The following VIRMA variants were observed in gnomAD, a reference collection of about 807,000 sequenced individuals.
VIRMA encodes vir like m6A methyltransferase associated.
A neutral mutation model predicts 182.4 loss-of-function variants in VIRMA; 65 were observed. The ratio of observed to expected loss-of-function variants is 0.36; its 90% CI spans 0.29 to 0.44. VIRMA has a LOEUF of 0.44. VIRMA is among the 20% of genes least tolerant of loss of function. The pLI, the probability that VIRMA is intolerant of heterozygous loss-of-function variation, is 1.00. For synonymous variants in VIRMA, 709 were observed against 743.1 expected, an observed-to-expected ratio of 0.95 and a Z score of 0.75; for missense variants, 1,752 against 2,158.1, an observed-to-expected ratio of 0.81 and a Z score of 3.73.
intron 1 of VIRMA, among the ~76,000 whole-genome samples, chr8:94,548,935 G>A (rs1163134439): frequency 6.6e-6 from 1 of 151,558 alleles, no homozygotes; most frequent in South Asian, 2.1e-4. Flanking sequence ...GGTATTACAG[G>A]CATGAGCCAC....
intron 4 of VIRMA, 57 bp from the exon 5 acceptor site, chr8:94,535,064 A>C: frequency 6.5e-7 from 1 of 1,527,538 alleles, no homozygotes; most frequent in Non-Finnish European, 8.8e-7. Context: ...AAATGCTAGA[A>C]GTTAGCTGAT....
intron 1 of VIRMA, among the ~76,000 whole-genome samples, chr8:94,549,103 G>C (rs954434449): frequency 1.3e-5 from 2 of 152,154 alleles, no homozygotes; most frequent in Non-Finnish European, 2.9e-5. Flanking sequence ...TCATTCACGG[G>C]AACACTATTC....
Position 94,526,242 on chromosome 8 carries a change from G to C in VIRMA, c.2002C>G (p.Pro668Ala). The change falls in exon 8 of 24, where the codon CCA (proline) becomes GCA (alanine). Residue 668 changes from proline to alanine, a missense_variant. Pro to Ala is a conservative substitution (Grantham distance 27). Around this residue, in one of 11 missense-constraint regions of VIRMA, gnomAD observed 401 missense variants for 455.1 expected, o/e 0.88. Coordinates refer to ENST00000297591, the MANE Select transcript of VIRMA (RefSeq NM_015496.5). Reference protein sequence around the residue: ...RITGPPERDDPYPVLFRYLHS... With the variant: ...RITGPPERDDAYPVLFRYLHS... ...TCTTACCTAAAGAGAACAGGGTATG[G>C]ATCATCCCTCTCTGGAGGTCCAGTA... The C allele has an allele frequency of 6.2e-7, 1 of 1,612,042 alleles. No individual in the cohort carries two copies. The highest frequency in any genetic ancestry group is 1.3e-5 in the African/African-American group (1 of 74,980).
In VIRMA at chr8:94,529,084, T is replaced by C. The variant is rs760376241; in HGVS notation, c.866A>G (p.Asp289Gly). 6 of 1,600,022 alleles carry C rather than the reference T, an allele frequency of 3.7e-6. No individual in the cohort carries two copies. Among genetic ancestry groups the C allele is most frequent in the Non-Finnish European group, 5.1e-6 (6 of 1,167,338 alleles). ...ACATAACCCACCTTCACCTTCTTCA[T>C]CCTCTTCACCTTCTTCCTCTTCATC... ...EEDEEEEGEE[D>G]EEGEGDDGYE... The change falls in exon 7 of 24, where the codon GAT (aspartate) becomes GGT (glycine). Residue 289 changes from aspartate (D) to glycine (G), a missense_variant. Around this residue, in one of 11 missense-constraint regions of VIRMA, gnomAD observed 31 missense variants for 68.4 expected, o/e 0.45. Coordinates refer to ENST00000297591, the MANE Select transcript of VIRMA (RefSeq NM_015496.5).
Position 94,526,647 on chromosome 8 carries a change from T to C in VIRMA, c.1597A>G (p.Lys533Glu). The change falls in exon 8 of 24, where the codon AAG (lysine) becomes GAG (glutamate). Residue 533 changes from lysine (K) to glutamate (E), a missense_variant. Physicochemically the swap from Lys to Glu is moderately conservative, Grantham distance 56. Transcript: ENST00000297591. ...GRQNEKSGYQ[K>E]LLELILLDQT... ...TCTAAAAGTATGAGTTCCAGAAGCT[T>C]TTGATAACCACTTTTTTCATTCTGC... 1 of 1,614,132 alleles carries C rather than the reference T, an allele frequency of 6.2e-7. No individual in the cohort carries two copies.
rs1814842771 is a variant in VIRMA at position 94,523,423 on chromosome 8, G to C, written c.2021+2800C>G. Among the ~76,000 whole-genome samples the C allele has an allele frequency of 2.0e-5, 3 of 151,964 alleles. No individual in the cohort carries two copies. The South Asian group carries it at 6.2e-4, about 32-fold the overall frequency. ...ACTTTTTCTCTTAGCCAAATTTCTT[G>C]TTTTGAGACACAGTCTCACTCTGCT... On this transcript the variant is annotated intron_variant, in intron 8 of 23. Transcript: ENST00000297591.
At chr8:94,517,178 A>G (rs3098716) in intron 10 of VIRMA, among the ~76,000 whole-genome samples, 94,641 of 152,088 alleles carry the variant, frequency 0.62, 29,865 homozygotes, top group East Asian at 0.81. Context: ...AAAACACACA[A>G]AGGAAAACTA....
At chr8:94,521,261 T>C (rs1005791253) in intron 8 of VIRMA, among the ~76,000 whole-genome samples, 3 of 152,170 alleles carry the variant, frequency 2.0e-5, no homozygotes, top group African/African-American at 4.8e-5. Context: ...TGTGTCCATG[T>C]GTTCTCACCG....
chr8:94,506,632 A>C lies in VIRMA; in HGVS notation c.3965T>G (p.Leu1322Trp). Residue 1322 changes from leucine (L) to tryptophan (W), a missense_variant, in exon 16 of 24, where the codon TTG becomes TGG. Physicochemically the swap from Leu to Trp is moderately conservative, Grantham distance 61. Transcript: ENST00000297591. The stretch of plus-strand genomic sequence containing the variant: ...CAGACAGTCACAGATTGAGGTCATC[A>C]ATTCTTTATTTGGTAGAGAATTGGA... ...QLSNSLPNKE[L>W]MTSICDCLLA... The C allele has an allele frequency of 6.2e-7, 1 of 1,613,830 alleles. No individual in the cohort carries two copies. Among genetic ancestry groups the C allele is most frequent in the South Asian group, 1.1e-5 (1 of 91,078 alleles).
chr8:94,511,125 G>A, intron 13 of VIRMA, 60 bp downstream of exon 13: 1 of 1,556,144 alleles, frequency 6.4e-7, no homozygotes, highest in Non-Finnish European at 8.6e-7. Context: ...CAAAATCACT[G>A]GCTTTTTAAA....
rs1299060007 is a variant in VIRMA at position 94,526,316 on chromosome 8, T to G, written c.1928A>C (p.His643Pro). Reference protein sequence around the residue: ...EVFHLMETAPHTMIQQPVKSF... With the variant: ...EVFHLMETAPPTMIQQPVKSF... ...CTTAACAGGTTGTTGGATCATTGTATGAGGGGCAGTTTCCATTAAATGAAA... is the reference window on the plus strand; with the variant it reads ...CTTAACAGGTTGTTGGATCATTGTAGGAGGGGCAGTTTCCATTAAATGAAA... Residue 643 changes from histidine to proline, a missense_variant, in exon 8 of 24, where the codon CAT (histidine) becomes CCT (proline). Transcript: ENST00000297591. 6.2e-7 allele frequency: 1 copy of G among 1,614,060 alleles called. No individual in the cohort carries two copies. The highest frequency in any genetic ancestry group is 1.7e-5 in the Admixed American group (1 of 60,024).
At chr8:94,536,312 T>C (rs1815340578) in intron 4 of VIRMA, among the ~76,000 whole-genome samples, 1 of 151,714 alleles carries the variant, frequency 6.6e-6, no homozygotes, top group Admixed American at 6.6e-5. Context: ...TTAATACCCA[T>C]CCCCCCCAAA....
At chr8:94,519,771 C>T (rs1444240645) in intron 8 of VIRMA, among the ~76,000 whole-genome samples, 3 of 152,138 alleles carry the variant, frequency 2.0e-5, no homozygotes, top group Non-Finnish European at 4.4e-5. Context: ...TTATCAAATG[C>T]TCCTTTTTCA....
In VIRMA at chr8:94,534,834, C is replaced by T. The variant is rs1027078532; in HGVS notation, c.484+5G>A. 3.1e-6 allele frequency: 5 copies of T among 1,607,984 alleles called. No homozygotes were observed. Among genetic ancestry groups the T allele is most frequent in the Non-Finnish European group, 4.2e-6 (5 of 1,178,514 alleles). On this transcript the variant is annotated splice_donor_5th_base_variant and intron_variant, in intron 5 of 23. Transcript: ENST00000297591. Reference sequence around the variant, plus strand: ...CACTTGCAAAAGCAAATTTAAAATTCTCACCATGTTTTGGATTCCTTTTCA... The same window carrying T: ...CACTTGCAAAAGCAAATTTAAAATTTTCACCATGTTTTGGATTCCTTTTCA...
chr8:94,515,012 A>C, intron 10 of VIRMA, 61 bp from the exon 11 acceptor site: 2 of 859,632 alleles, frequency 2.3e-6, no homozygotes, highest in Non-Finnish European at 3.5e-6. Context: ...AAAGAAAGTA[A>C]ATATTTTTTC....
chr8:94,494,724 C>T, intron 20 of VIRMA, 136 bp downstream of exon 20: 2 of 547,122 alleles, frequency 3.7e-6, no homozygotes, highest in South Asian at 3.1e-5. Flanking sequence ...GGGCAAGTGG[C>T]ATAAAAATAA....
intron 1 of VIRMA, among the ~76,000 whole-genome samples, chr8:94,548,609 T>C (rs1815860843): frequency 6.6e-6 from 1 of 151,174 alleles, no homozygotes; most frequent in African/African-American, 2.5e-5. Flanking sequence ...TCTAATATTG[T>C]ATATGTTAAC....
intron 20 of VIRMA, among the ~76,000 whole-genome samples, chr8:94,493,866 C>T (rs1006049201): frequency 5.9e-5 from 9 of 152,192 alleles, no homozygotes; most frequent in African/African-American, 2.2e-4. Flanking sequence ...TACCACATCT[C>T]TGAGAAGCAT....
intron 3 of VIRMA, 69 bp from the exon 4 acceptor site, chr8:94,537,220 C>A: frequency 1.0e-6 from 1 of 976,248 alleles, no homozygotes; most frequent in South Asian, 1.4e-5. Context: ...AGACGTCTCT[C>A]TAGATTCAAA....
Sources: allele counts gnomAD v4.1 joint callset (sites outside exome capture counted in the v4.1 genomes callset), GRCh38; gene constraint gnomAD v4.1.1; regional missense constraint gnomAD v4.1.1; transcripts MANE v1.5; gene names NCBI Gene and HGNC (gene_info 2026-07-23, HGNC 2026-07-21).